COL25A1: variants seen among roughly 807,000 people sequenced by gnomAD.
The protein encoded by COL25A1 is collagen alpha-1(XXV) chain.
COL25A1 carries 103 observed loss-of-function variants against 128.4 expected under a neutral mutation model. The observed-to-expected ratio is 0.80, with a 90% CI of 0.68 to 0.94. The LOEUF (loss-of-function observed/expected upper bound fraction) is 0.94. Among genes scored for constraint, COL25A1 ranks in the 40% least tolerant of loss-of-function variants. The pLI is 0.00. For missense variants in COL25A1, 745 were observed against 840.0 expected (o/e 0.89, Z 1.40); for synonymous variants, 279 against 277.2 (o/e 1.01, Z -0.06).
intron 3 of COL25A1, among the ~76,000 whole-genome samples, chr4:109,094,689 T>G (rs1291629426): frequency 6.6e-6 from 1 of 152,168 alleles, no homozygotes; most frequent in African/African-American, 2.4e-5. Flanking sequence ...AGATACTACA[T>G]TTTGGCAATA....
At chr4:109,039,046 C>T (rs867448723) in intron 5 of COL25A1, among the ~76,000 whole-genome samples, 3 of 152,096 alleles carry the variant, frequency 2.0e-5, no homozygotes, top group South Asian at 4.1e-4. Context: ...TACATCATCA[C>T]GCGTCTGTCA....
intron 24 of COL25A1, 105 bp from the exon 25 acceptor site, chr4:108,853,030 C>T: frequency 1.1e-6 from 1 of 951,660 alleles, no homozygotes; most frequent in Non-Finnish European, 1.6e-6. Context: ...TTTGGCTAGT[C>T]TGATATCTTA....
chr4:108,919,162 C>T (rs1022642753), intron 12 of COL25A1, among the ~76,000 whole-genome samples: 1 of 151,890 alleles, frequency 6.6e-6, no homozygotes, highest in Non-Finnish European at 1.5e-5. Flanking sequence ...TAGACCAAAA[C>T]TCCCCTAAAA....
At chr4:109,147,893 G>C (rs1460400298) in intron 3 of COL25A1, among the ~76,000 whole-genome samples, 1 of 151,988 alleles carries the variant, frequency 6.6e-6, no homozygotes, top group African/African-American at 2.4e-5. Flanking sequence ...TGTATGAATG[G>C]AGTGCTTATA....
intron 31 of COL25A1, among the ~76,000 whole-genome samples, chr4:108,839,572 G>A (rs926178046): frequency 1.3e-5 from 2 of 152,158 alleles, no homozygotes; most frequent in African/African-American, 4.8e-5. Flanking sequence ...GGTACTTGAG[G>A]TTAAATCCAG....
intron 32 of COL25A1, among the ~76,000 whole-genome samples, chr4:108,831,760 T>C (rs1195932431): frequency 6.6e-6 from 1 of 151,202 alleles, no homozygotes; most frequent in Non-Finnish European, 1.5e-5. Flanking sequence ...TCCAGACAGA[T>C]GACCATTTAT....
At chr4:108,843,068 G>A (rs1487598460) in intron 30 of COL25A1, among the ~76,000 whole-genome samples, 1 of 147,934 alleles carries the variant, frequency 6.8e-6, no homozygotes, top group African/African-American at 2.5e-5. Flanking sequence ...AAGATCACCT[G>A]AGCCTAGGAG....
intron 8 of COL25A1, among the ~76,000 whole-genome samples, chr4:108,955,546 AT>A (rs1391965018): frequency 6.6e-6 from 1 of 152,098 alleles, no homozygotes; most frequent in African/African-American, 2.4e-5. Context: ...GAATATCTTG[AT>A]TACAAATAAG....
At chr4:109,235,803 G>T (rs1316427002) in intron 3 of COL25A1, among the ~76,000 whole-genome samples, 2 of 152,064 alleles carry the variant, frequency 1.3e-5, no homozygotes, top group Admixed American at 6.6e-5. Context: ...GTGTGACACA[G>T]ATTTTGCAGT....
rs544975757 is a variant in COL25A1, at chr4:108,877,751, G to A, written c.1020+6427C>T. 5.9e-5 allele frequency among the ~76,000 whole-genome samples: 9 copies of A among 151,966 alleles called. No homozygotes were observed. In the East Asian group the frequency reaches 1.7e-3, roughly 29 times the overall value. ...AACTGGTCTTCTATTTTACAGAAAG[G>A]CAAGGCAAAGCTGGAAAATTCCTTA... On this transcript the variant is annotated intron_variant, in intron 19 of 37. Transcript: ENST00000399132.
At chr4:109,184,191 G>C (rs1192038598) in intron 3 of COL25A1, among the ~76,000 whole-genome samples, 1 of 152,146 alleles carries the variant, frequency 6.6e-6, no homozygotes, top group Non-Finnish European at 1.5e-5. Context: ...GCTAAACCAG[G>C]CACTTTAATT....
chr4:109,252,377 G>C (rs551082351), intron 3 of COL25A1, among the ~76,000 whole-genome samples: 7 of 152,278 alleles, frequency 4.6e-5, no homozygotes, highest in African/African-American at 1.4e-4. Flanking sequence ...AGTCCACATT[G>C]CTGAGCCCAT....
chr4:109,299,940 A>G (rs1725345811), intron 3 of COL25A1, among the ~76,000 whole-genome samples: 1 of 152,176 alleles, frequency 6.6e-6, no homozygotes, highest in African/African-American at 2.4e-5. Flanking sequence ...GCTGCCTTTA[A>G]TATAGTTCCC....
intron 3 of COL25A1, among the ~76,000 whole-genome samples, chr4:109,163,716 A>C (rs1407400172): frequency 6.6e-6 from 1 of 152,198 alleles, no homozygotes; most frequent in Non-Finnish European, 1.5e-5. Context: ...TCAGCTCTTG[A>C]ACTACTCCCA....
chr4:109,258,461 T>C (rs1578569589), intron 3 of COL25A1, among the ~76,000 whole-genome samples: 1 of 152,240 alleles, frequency 6.6e-6, no homozygotes, highest in East Asian at 1.9e-4. Context: ...TAAATAACAG[T>C]ATGTACTTCA....
intron 3 of COL25A1, among the ~76,000 whole-genome samples, chr4:109,125,014 A>T (rs1768457151): frequency 6.6e-6 from 1 of 152,124 alleles, no homozygotes; most frequent in African/African-American, 2.4e-5. Flanking sequence ...AAAACAAAGC[A>T]AAACCCCCCC....
At chr4:109,214,577 TATGA>T (rs536571031) in intron 3 of COL25A1, among the ~76,000 whole-genome samples, 237 of 151,458 alleles carry the variant, frequency 1.6e-3, no homozygotes, top group African/African-American at 5.2e-3. Flanking sequence ...GCAACAGTAC[TATGA>T]ACATCCCCAT....
intron 18 of COL25A1, among the ~76,000 whole-genome samples, chr4:108,884,950 G>A (rs1740604810): frequency 6.6e-6 from 1 of 152,066 alleles, no homozygotes. Flanking sequence ...ATTATTTTAA[G>A]CCCAAAGAAT....
chr4:109,102,816 G>A lies in COL25A1; in HGVS notation c.368-52637C>T, dbSNP rs3113704. Among the ~76,000 whole-genome samples the A allele has an allele frequency of 6.6e-4, 100 of 151,948 alleles. 1 individual carries two copies. The highest frequency in any genetic ancestry group is 2.3e-3 in the African/African-American group (95 of 41,464). On this transcript the variant is annotated intron_variant, in intron 3 of 37. Coordinates refer to ENST00000399132, the MANE Select transcript of COL25A1 (RefSeq NM_198721.4). ...TTTTGATTTTAATATAGCCACTTTAGCTTACTTTATGCTTACAGTCAGTTC... is the reference window on the plus strand; with the variant it reads ...TTTTGATTTTAATATAGCCACTTTAACTTACTTTATGCTTACAGTCAGTTC...
Sources: gnomAD v4.1 joint callset for allele counts (sites outside exome capture counted in the v4.1 genomes callset) on GRCh38, gnomAD v4.1.1 for gene constraint, MANE v1.5 for transcripts, NCBI Gene and HGNC (gene_info 2026-07-23, HGNC 2026-07-21) for gene names.